The following RIT2 variants were observed in gnomAD, a reference collection of about 807,000 sequenced individuals.
RIT2 encodes the protein GTP-binding protein Rit2.
Under a neutral mutation model 23.7 loss-of-function variants are expected in RIT2, and 24 were observed. That is an observed-to-expected ratio of 1.01 (90% confidence interval 0.73 to 1.43). The LOEUF (loss-of-function observed/expected upper bound fraction) is 1.43, where lower values mean the gene tolerates loss of function less well. Among genes scored for constraint, RIT2 ranks in the 40% most tolerant of loss-of-function variants. The probability of loss-of-function intolerance (pLI) is 0.00; values close to 1 mark genes in which losing one functional copy is unlikely to be tolerated. For synonymous variants in RIT2, 107 were observed against 91.1 expected (o/e 1.17, Z -0.99); for missense variants, 236 against 266.9 (o/e 0.88, Z 0.81).
intron 4 of RIT2, among the ~76,000 whole-genome samples, chr18:42,889,394 G>A (rs527919765): frequency 3.9e-5 from 6 of 151,934 alleles, no homozygotes; most frequent in Admixed American, 3.9e-4. Flanking sequence ...CACCTTAGAT[G>A]AATTATATTA....
At chr18:42,751,610 G>A (rs1013340714) in intron 4 of RIT2, among the ~76,000 whole-genome samples, 14 of 151,840 alleles carry the variant, frequency 9.2e-5, no homozygotes, top group Non-Finnish European at 1.9e-4. Flanking sequence ...GTAGCAGGCC[G>A]AAGTATACTT....
At chr18:43,110,813 A>C (rs1259803981) in intron 1 of RIT2, among the ~76,000 whole-genome samples, 1 of 152,126 alleles carries the variant, frequency 6.6e-6, no homozygotes, top group Admixed American at 6.6e-5. Flanking sequence ...TTGTTTCTTA[A>C]GTAGTTTTCT....
At chr18:42,819,212 T>C (rs554457581) in intron 4 of RIT2, among the ~76,000 whole-genome samples, 2 of 149,204 alleles carry the variant, frequency 1.3e-5, no homozygotes, top group South Asian at 2.1e-4. Context: ...ATCCAAATCA[T>C]TGGAGTCACC....
chr18:43,094,540 G>A (rs1050999106), intron 1 of RIT2, among the ~76,000 whole-genome samples: 2 of 151,906 alleles, frequency 1.3e-5, no homozygotes, highest in Admixed American at 6.6e-5. Flanking sequence ...TGAGTTTCAC[G>A]GGAAAATGTA....
intron 4 of RIT2, among the ~76,000 whole-genome samples, chr18:42,765,178 GA>G (rs1363947591): frequency 2.0e-5 from 3 of 152,108 alleles, no homozygotes; most frequent in African/African-American, 7.2e-5. Flanking sequence ...GGTTGTGTAA[GA>G]AAAAAATATT....
intron 2 of RIT2, among the ~76,000 whole-genome samples, chr18:42,978,503 A>G (rs1395848524): frequency 6.6e-6 from 1 of 152,078 alleles, no homozygotes; most frequent in African/African-American, 2.4e-5. Context: ...TCTTGAATGC[A>G]TATAAACACT....
At chr18:42,989,049 C>A (rs769560788) in intron 2 of RIT2, among the ~76,000 whole-genome samples, 1 of 152,158 alleles carries the variant, frequency 6.6e-6, no homozygotes, top group African/African-American at 2.4e-5. Context: ...CCATTATACA[C>A]CAAAGATAAA....
chr18:42,953,657 C>A (rs1157883866), intron 3 of RIT2, among the ~76,000 whole-genome samples: 3 of 152,142 alleles, frequency 2.0e-5, no homozygotes, highest in African/African-American at 7.2e-5. Flanking sequence ...GTCTTGTTAT[C>A]CTCATAAACA....
Position 42,794,060 on chromosome 18 carries a change from A to G in RIT2, c.427-50340T>C, listed in dbSNP as rs1335107582. 2.6e-4 allele frequency among the ~76,000 whole-genome samples: 40 copies of G among 152,224 alleles called. 1 individual carries two copies. On this transcript the variant is annotated intron_variant, in intron 4 of 4. Coordinates refer to ENST00000326695, the MANE Select transcript of RIT2 (RefSeq NM_002930.4). ...TTCTGTGCTCCCAAGTTCACTATTT[A>G]ACTAGAGTATAAGAAAGAATGCGGT...
intron 3 of RIT2, among the ~76,000 whole-genome samples, chr18:42,967,526 C>G (rs1237924123): frequency 6.8e-6 from 1 of 147,400 alleles, no homozygotes; most frequent in African/African-American, 2.5e-5. Context: ...CCCGCCACCA[C>G]GCCCGGCTAA....
intron 2 of RIT2, among the ~76,000 whole-genome samples, chr18:42,992,374 T>G (rs1910872990): frequency 6.6e-6 from 1 of 152,152 alleles, no homozygotes. Context: ...CTGAGGTGCC[T>G]GACGTCCAGG....
At chr18:43,014,814 A>T (rs1911435453) in intron 2 of RIT2, among the ~76,000 whole-genome samples, 1 of 151,726 alleles carries the variant, frequency 6.6e-6, no homozygotes. Context: ...TAACTGATTA[A>T]ATGGAAAAAT....
chr18:42,982,287 A>T (rs1454540798), intron 2 of RIT2, among the ~76,000 whole-genome samples: 1 of 152,086 alleles, frequency 6.6e-6, no homozygotes, highest in Non-Finnish European at 1.5e-5. Context: ...TCAGAGAAAG[A>T]TCAATTCACC....
chr18:42,788,959 G>C (rs952156430), intron 4 of RIT2, among the ~76,000 whole-genome samples: 4 of 152,172 alleles, frequency 2.6e-5, no homozygotes, highest in Non-Finnish European at 5.9e-5. Context: ...GAATATTATA[G>C]AGCTATGTAG....
rs1405488102 is a variant in RIT2 at position 42,837,160 on chromosome 18, T to C, written c.426+86412A>G. Among the ~76,000 whole-genome samples the C allele has an allele frequency of 2.6e-3, 227 of 88,942 alleles. 1 individual carries two copies. The highest frequency in any genetic ancestry group is 7.0e-3 in the African/African-American group (121 of 17,256). The allele number at this position is 88,942 out of a possible 152,430, so 58.3% of individuals were successfully genotyped here. A position where few individuals can be genotyped will look rare whatever the true frequency, so the allele number is the denominator to read the frequency against. ...TTCTTTTTTTTTCTTTTTCTTTTTTTTTTTTTTTTTTTTTTTTTTTTTTTT... is the reference window on the plus strand; with the variant it reads ...TTCTTTTTTTTTCTTTTTCTTTTTTCTTTTTTTTTTTTTTTTTTTTTTTTT... On this transcript the variant is annotated intron_variant, in intron 4 of 4. Coordinates refer to ENST00000326695, the MANE Select transcript of RIT2 (RefSeq NM_002930.4).
intron 1 of RIT2, among the ~76,000 whole-genome samples, chr18:43,039,185 G>A (rs932756849): frequency 1.3e-5 from 2 of 152,000 alleles, no homozygotes; most frequent in African/African-American, 2.4e-5. Context: ...GGCAATTAGC[G>A]TTATATGGCT....
intron 2 of RIT2, among the ~76,000 whole-genome samples, chr18:43,020,255 C>A (rs568617468): frequency 2.6e-5 from 4 of 151,946 alleles, no homozygotes; most frequent in Non-Finnish European, 2.9e-5. Context: ...AAGGCTGAGG[C>A]AAACAGATCA....
At chr18:42,756,782 T>C (rs1271112019) in intron 4 of RIT2, among the ~76,000 whole-genome samples, 2 of 152,116 alleles carry the variant, frequency 1.3e-5, no homozygotes, top group African/African-American at 4.8e-5. Flanking sequence ...GATTGGTTAT[T>C]GTGAATAGCT....
intron 3 of RIT2, among the ~76,000 whole-genome samples, chr18:42,952,249 G>T (rs1386467420): frequency 2.0e-5 from 3 of 152,098 alleles, no homozygotes; most frequent in Non-Finnish European, 4.4e-5. Context: ...GAACATTGAG[G>T]ACATTATAAT....
Sources: gnomAD v4.1 joint callset for allele counts (sites outside exome capture counted in the v4.1 genomes callset) on GRCh38, gnomAD v4.1.1 for gene constraint, MANE v1.5 for transcripts, NCBI Gene and HGNC (gene_info 2026-07-23, HGNC 2026-07-21) for gene names.